Variants in LPP observed in about 807,000 individuals in gnomAD.
LPP encodes LIM domain containing preferred translocation partner in lipoma, also known as lipoma-preferred partner.
In LPP, 38 loss-of-function variants were observed where a neutral mutation model predicts 60.4. The observed-to-expected ratio is 0.63, with a 90% CI of 0.49 to 0.83. The LOEUF (loss-of-function observed/expected upper bound fraction) is 0.83, where lower values mean the gene tolerates loss of function less well. Ranked by LOEUF, LPP falls within the 40% of genes least tolerant of loss-of-function variation. The probability of loss-of-function intolerance (pLI) is 0.00; values close to 1 mark genes in which losing one functional copy is unlikely to be tolerated. For missense variants in LPP, 902 were observed against 783.6 expected, an observed-to-expected ratio of 1.15 and a Z score of -1.80; for synonymous variants, 328 against 290.8, an observed-to-expected ratio of 1.13 and a Z score of -1.30.
intron 8 of LPP, among the ~76,000 whole-genome samples, chr3:188,730,497 C>T (rs546630285): frequency 5.3e-5 from 8 of 152,168 alleles, no homozygotes; most frequent in South Asian, 2.1e-4. Flanking sequence ...TGGAGAAACA[C>T]TAATAGGAAA....
At chr3:188,440,949 A>ATGTGTG (rs10680234) in intron 4 of LPP, among the ~76,000 whole-genome samples, 3,524 of 146,894 alleles carry the variant, frequency 0.024, 91 homozygotes, top group African/African-American at 0.039. Flanking sequence ...CTCCCTTAAT[A>ATGTGTG]TGTGTGTGTG....
At chr3:188,183,488 C>T (rs984647078) in intron 1 of LPP, among the ~76,000 whole-genome samples, 15 of 152,148 alleles carry the variant, frequency 9.9e-5, no homozygotes, top group African/African-American at 3.4e-4. Flanking sequence ...TGGGAGCCCC[C>T]GGTCAACTTC....
intron 8 of LPP, among the ~76,000 whole-genome samples, chr3:188,735,767 C>T (rs1159516015): frequency 6.6e-6 from 1 of 152,152 alleles, no homozygotes; most frequent in Non-Finnish European, 1.5e-5. Flanking sequence ...TATGGAGTTT[C>T]AAACTAACAC....
chr3:188,731,132 C>T (rs149823051), intron 8 of LPP, among the ~76,000 whole-genome samples: 63 of 152,316 alleles, frequency 4.1e-4, no homozygotes, highest in African/African-American at 1.5e-3. Context: ...GGAGGCATTA[C>T]GCTGCCTGTG....
intron 8 of LPP, among the ~76,000 whole-genome samples, chr3:188,757,880 G>GT (rs1288759764): frequency 2.0e-5 from 1 of 51,200 alleles, no homozygotes; most frequent in Admixed American, 1.6e-4. Flanking sequence ...TTGTGGTTTT[G>GT]TTTTTTTGGT....
Position 188,592,282 on chromosome 3 carries a change from A to C in LPP, c.430-16879A>C. On this transcript the variant is annotated intron_variant, in intron 6 of 11. Coordinates refer to ENST00000617246, the MANE Select transcript of LPP (RefSeq NM_001375462.1). The stretch of plus-strand genomic sequence containing the variant: ...CTGATATAATGTTAAATGAAAAATA[A>C]GATACAAAGCCACACATAAAGAGGG... 2.0e-5 allele frequency among the ~76,000 whole-genome samples: 3 copies of C among 152,108 alleles called. No individual in the cohort carries two copies. The South Asian group carries it at 6.2e-4, about 32-fold the overall frequency.
At chr3:188,278,054 G>A (rs1178400526) in intron 2 of LPP, among the ~76,000 whole-genome samples, 3 of 152,008 alleles carry the variant, frequency 2.0e-5, no homozygotes, top group East Asian at 1.9e-4. Context: ...CCTCTCTTTC[G>A]ATCATGATAA....
rs747367823 is a variant in LPP at position 188,874,501 on chromosome 3, G to T, written c.*22G>T. Reference sequence around the variant, plus strand: ...TTAGATTCAGTCACCTGTTCAGCCGGCACTGAGAAGAACGAACACAAGAAA... The same window carrying T: ...TTAGATTCAGTCACCTGTTCAGCCGTCACTGAGAAGAACGAACACAAGAAA... On this transcript the variant is annotated 3_prime_UTR_variant, in exon 12 of 12. Coordinates refer to ENST00000617246, the MANE Select transcript of LPP (RefSeq NM_001375462.1). 1 of 1,608,538 alleles carries T rather than the reference G, an allele frequency of 6.2e-7. No homozygotes were observed. Among genetic ancestry groups the T allele is most frequent in the Non-Finnish European group, 8.5e-7 (1 of 1,176,082 alleles).
At chr3:188,205,074 A>G (rs566700130) in intron 1 of LPP, among the ~76,000 whole-genome samples, 135 of 152,248 alleles carry the variant, frequency 8.9e-4, no homozygotes, top group Non-Finnish European at 1.6e-3. Flanking sequence ...CCATTTGAGT[A>G]TCTAGAAACA....
intron 2 of LPP, among the ~76,000 whole-genome samples, chr3:188,328,830 T>A (rs1327703838): frequency 1.3e-5 from 2 of 152,222 alleles, no homozygotes; most frequent in Admixed American, 1.3e-4. Flanking sequence ...TAACATTTTA[T>A]GTGATCAGGT....
Position 188,724,929 on chromosome 3 carries a change from A to G in LPP, c.1240+16536A>G, listed in dbSNP as rs917050948. Among the ~76,000 whole-genome samples, 26 of 152,362 alleles carry G rather than the reference A, an allele frequency of 1.7e-4. 1 individual carries two copies. In the Middle Eastern group the frequency reaches 0.017, roughly 100 times the overall value. On this transcript the variant is annotated intron_variant, in intron 8 of 11. Coordinates refer to ENST00000617246, the MANE Select transcript of LPP (RefSeq NM_001375462.1). Reference sequence around the variant, plus strand: ...AATAAAGTCACCCTGTTGACATGTCATCAGTCAAAAGAGTTCAGTGCAATA... The same window carrying G: ...AATAAAGTCACCCTGTTGACATGTCGTCAGTCAAAAGAGTTCAGTGCAATA...
At chr3:188,501,690 A>G (rs1285171993) in intron 5 of LPP, among the ~76,000 whole-genome samples, 2 of 151,150 alleles carry the variant, frequency 1.3e-5, no homozygotes, top group Non-Finnish European at 2.9e-5. Flanking sequence ...CGGAGGTTGC[A>G]GTGAGCCGAG....
intron 4 of LPP, among the ~76,000 whole-genome samples, chr3:188,446,838 C>T (rs1270944533): frequency 6.6e-6 from 1 of 152,172 alleles, no homozygotes; most frequent in Non-Finnish European, 1.5e-5. Context: ...TCCTTTTTAG[C>T]TCTAAGCCTC....
intron 9 of LPP, among the ~76,000 whole-genome samples, chr3:188,851,218 CCT>C (rs1432159186): frequency 6.6e-6 from 1 of 152,154 alleles, no homozygotes; most frequent in East Asian, 1.9e-4. Context: ...CAAAGGTTCT[CCT>C]CTCTCTGACA....
intron 9 of LPP, among the ~76,000 whole-genome samples, chr3:188,832,093 C>G (rs1757277497): frequency 6.6e-6 from 1 of 152,190 alleles, no homozygotes; most frequent in Non-Finnish European, 1.5e-5. Context: ...GTGTTTACAT[C>G]TCTGTGTAAT....
chr3:188,742,982 G>C (rs759916047), intron 8 of LPP, among the ~76,000 whole-genome samples: 2 of 152,062 alleles, frequency 1.3e-5, no homozygotes, highest in Non-Finnish European at 2.9e-5. Flanking sequence ...GTCCAGGTTA[G>C]GTTTCTTTAA....
intron 7 of LPP, among the ~76,000 whole-genome samples, chr3:188,699,097 T>A (rs992273079): frequency 6.6e-6 from 1 of 152,196 alleles, no homozygotes; most frequent in African/African-American, 2.4e-5. Flanking sequence ...AGCTTCTTCA[T>A]ATGAATCAGA....
intron 2 of LPP, among the ~76,000 whole-genome samples, chr3:188,274,038 C>A (rs1738799009): frequency 6.6e-6 from 1 of 152,010 alleles, no homozygotes; most frequent in African/African-American, 2.4e-5. Flanking sequence ...AAAAGTAAAC[C>A]CTTCTCTTAA....
chr3:188,561,582 G>A (rs562964273), intron 6 of LPP, among the ~76,000 whole-genome samples: 17 of 152,140 alleles, frequency 1.1e-4, no homozygotes, highest in African/African-American at 4.1e-4. Context: ...TATTTGGAAT[G>A]TGGCAAATCG....
Sources: allele counts gnomAD v4.1 joint callset (sites outside exome capture counted in the v4.1 genomes callset), GRCh38; gene constraint gnomAD v4.1.1; transcripts MANE v1.5; gene names NCBI Gene and HGNC (gene_info 2026-07-23, HGNC 2026-07-21).